Variants in FOXO4 observed in about 807,000 individuals in gnomAD.
FOXO4 encodes the protein forkhead box O4, also known as forkhead box protein O4.
Under a neutral mutation model 20.8 loss-of-function variants are expected in FOXO4, and 3 were observed. The observed-to-expected ratio is 0.14, with a 90% CI of 0.07 to 0.37. The LOEUF is 0.37. FOXO4 is among the 10% of genes least tolerant of loss of function. The probability of loss-of-function intolerance (pLI) is 1.00; values close to 1 mark genes in which losing one functional copy is unlikely to be tolerated. For synonymous variants in FOXO4, 158 were observed against 180.0 expected (o/e 0.88, Z 0.98); for missense variants, 309 against 431.9 (o/e 0.72, Z 2.52).
chrX:71,100,474 C>T (rs762987543), intron 1 of FOXO4, among the ~76,000 whole-genome samples: 41 of 106,605 alleles, frequency 3.8e-4, no homozygotes, highest in African/African-American at 1.3e-3. Flanking sequence ...TATCTTTTAT[C>T]TTTTTCTCTT....
Position 71,100,978 on chromosome X carries a change from G to C in FOXO4, c.748G>C (p.Ala250Pro), listed in dbSNP as rs2092229658. The change falls in exon 2 of 3, where the codon GCC becomes CCC. Residue 250 changes from alanine to proline, a missense_variant. Around this residue, in one of 3 missense-constraint regions of FOXO4, gnomAD observed 223 missense variants for 302.7 expected, o/e 0.74. Coordinates refer to ENST00000374259, the MANE Select transcript of FOXO4 (RefSeq NM_005938.4). ...GSPCSRNREE[A>P]DMWTTFRPRS... ...CCCTTGCTCTCGAAACCGTGAAGAAGCCGATATGTGGACCACCTTCCGTCC... is the reference window on the plus strand; with the variant it reads ...CCCTTGCTCTCGAAACCGTGAAGAACCCGATATGTGGACCACCTTCCGTCC... 1 of 1,209,832 alleles carries C rather than the reference G, an allele frequency of 8.3e-7. No homozygotes were observed. The highest frequency in any genetic ancestry group is 1.1e-6 in the Non-Finnish European group (1 of 894,968).
rs200607413 is a variant in FOXO4, at chrX:71,100,670, C to G, written c.454-14C>G. The G allele has an allele frequency of 6.5e-5, 76 of 1,167,171 alleles. No individual in the cohort carries two copies. In the African/African-American group the frequency reaches 1.0e-3, roughly 16 times the overall value. On this transcript the variant is annotated splice_polypyrimidine_tract_variant and intron_variant, in intron 1 of 2. Coordinates refer to ENST00000374259, the MANE Select transcript of FOXO4 (RefSeq NM_005938.4). ...GTACCTCACGCCCCTTTCCTGCCAT[C>G]TCTGCCCCTCCAGAACTCGATCCGC...
chrX:71,096,609 T>C lies in FOXO4; in HGVS notation c.81T>C (p.Arg27=). ...DLDPDFEPQS[R]PRSCTWPLPR... ...ATCCCGACTTCGAACCCCAGAGCCG[T>C]CCCCGCTCCTGCACCTGGCCCCTTC... Residue 27 remains arginine, a synonymous_variant, in exon 1 of 3, where the codon CGT becomes CGC. Transcript: ENST00000374259. 1 of 1,209,491 alleles carries C rather than the reference T, an allele frequency of 8.3e-7. No individual in the cohort carries two copies. The highest frequency in any genetic ancestry group is 1.1e-6 in the Non-Finnish European group (1 of 894,404).
intron 1 of FOXO4, among the ~76,000 whole-genome samples, chrX:71,100,181 C>G (rs1044968848): frequency 3.7e-5 from 4 of 107,972 alleles, no homozygotes; most frequent in East Asian, 2.9e-4. Context: ...CCGCTCCCCC[C>G]ACCCCCCGCA....
rs1405991935 is a variant in FOXO4 at position 71,100,798 on chromosome X, G to GC, written c.574dup (p.Arg192ProfsTer9). On this transcript the variant is annotated frameshift_variant, in exon 2 of 3. Transcript: ENST00000374259. LOFTEE classifies it high-confidence loss of function. ...CCCTGAGGGAGGCAAGAGCGGCAAAGCCCCCCGCCGCCGGGCCGCCTCCAT... is the reference window on the plus strand; with the variant it reads ...CCCTGAGGGAGGCAAGAGCGGCAAAGCCCCCCCGCCGCCGGGCCGCCTCCAT... 1 of 1,210,087 alleles carries GC rather than the reference G, an allele frequency of 8.3e-7. No homozygotes were observed.
chrX:71,103,204 G>A lies in FOXO4; in HGVS notation c.*1120G>A, dbSNP rs1036356273. Reference sequence around the variant, plus strand: ...CAGGGGTTATGTGGAAGTGTGTGTGGCAGCAGGCAGCGGGGAGGGGAGGAA... The same window carrying A: ...CAGGGGTTATGTGGAAGTGTGTGTGACAGCAGGCAGCGGGGAGGGGAGGAA... On this transcript the variant is annotated 3_prime_UTR_variant, in exon 3 of 3. Coordinates refer to ENST00000374259, the MANE Select transcript of FOXO4 (RefSeq NM_005938.4). The A allele has an allele frequency of 5.8e-5, 10 of 172,762 alleles. No individual in the cohort carries two copies. Among genetic ancestry groups the A allele is most frequent in the Admixed American group, 8.0e-5 (1 of 12,448 alleles). 14.2% of individuals were successfully genotyped at this position (172,762 alleles called of 1,213,427 possible). A position where few individuals can be genotyped will look rare whatever the true frequency, so the allele number is the denominator to read the frequency against.
chrX:71,103,139 C>G lies in FOXO4; in HGVS notation c.*1055C>G, dbSNP rs2092236134. ...TACAGAGACCTCCCTGTTCAAGGCC[C>G]CTGACAGCTGTCCCTGCCCTTCTTC... On this transcript the variant is annotated 3_prime_UTR_variant, in exon 3 of 3. Coordinates refer to ENST00000374259, the MANE Select transcript of FOXO4 (RefSeq NM_005938.4). The G allele has an allele frequency of 5.7e-6, 1 of 174,236 alleles. No individual in the cohort carries two copies. The highest frequency in any genetic ancestry group is 3.0e-5 in the African/African-American group (1 of 33,496). 14.4% of individuals were successfully genotyped at this position (174,236 alleles called of 1,213,427 possible). A position where few individuals can be genotyped will look rare whatever the true frequency, so the allele number is the denominator to read the frequency against.
At chrX:71,098,289 G>T (rs188880731) in intron 1 of FOXO4, among the ~76,000 whole-genome samples, 1 of 112,164 alleles carries the variant, frequency 8.9e-6, no homozygotes, top group Admixed American at 9.4e-5. Flanking sequence ...GTACCAAAAG[G>T]TTAGGAAATT....
chrX:71,102,201 G>T lies in FOXO4; in HGVS notation c.*117G>T. The T allele has an allele frequency of 4.1e-6, 3 of 732,994 alleles. No individual in the cohort carries two copies. Among genetic ancestry groups the T allele is most frequent in the Non-Finnish European group, 6.3e-6 (3 of 478,799 alleles). The allele number at this position is 732,994 out of a possible 1,213,427, so 60.4% of individuals were successfully genotyped here. The stretch of plus-strand genomic sequence containing the variant: ...GGACCCTGCTTTAGAGCTAGGGTGG[G>T]GTCTGGTCACACACAGGTGTTGAAG... On this transcript the variant is annotated 3_prime_UTR_variant, in exon 3 of 3. Transcript: ENST00000374259.
At chrX:71,098,214 A>G (rs1444694639) in intron 1 of FOXO4, among the ~76,000 whole-genome samples, 1 of 112,477 alleles carries the variant, frequency 8.9e-6, no homozygotes, top group Non-Finnish European at 1.9e-5. Context: ...TAGTTTTTAA[A>G]GTTTTTATTT....
In FOXO4 at chrX:71,101,392, C is replaced by G. The variant is rs753147451; in HGVS notation, c.1162C>G (p.Pro388Ala). Reference sequence around the variant, plus strand: ...TGACGTCCTCATGACCCAGGTAGATCCCATTCTGTCCCAGGCTCCGACTCT... The same window carrying G: ...TGACGTCCTCATGACCCAGGTAGATGCCATTCTGTCCCAGGCTCCGACTCT... ...PADVLMTQVD[P>A]ILSQAPTLLL... The change falls in exon 2 of 3, where the codon CCC becomes GCC. Residue 388 changes from proline to alanine, a missense_variant. By Grantham distance (27) the Pro-to-Ala change is conservative (BLOSUM62 -1). Transcript: ENST00000374259. The G allele has an allele frequency of 8.3e-7, 1 of 1,211,262 alleles. No homozygotes were observed. Among genetic ancestry groups the G allele is most frequent in the South Asian group, 1.8e-5 (1 of 56,947 alleles).
Position 71,102,268 on chromosome X carries a change from G to A in FOXO4, c.*184G>A, listed in dbSNP as rs1005361364. The A allele has an allele frequency of 4.6e-5, 21 of 461,397 alleles. No homozygotes were observed. Among genetic ancestry groups the A allele is most frequent in the Non-Finnish European group, 7.9e-5 (21 of 266,866 alleles). 38.0% of individuals were successfully genotyped at this position (461,397 alleles called of 1,213,427 possible). On this transcript the variant is annotated 3_prime_UTR_variant, in exon 3 of 3. Coordinates refer to ENST00000374259, the MANE Select transcript of FOXO4 (RefSeq NM_005938.4). Reference sequence around the variant, plus strand: ...GCTGCCCCATCTGGGGACGATATGGGGAGGGAGATGGGAGGGGAAAGGGGA... The same window carrying A: ...GCTGCCCCATCTGGGGACGATATGGAGAGGGAGATGGGAGGGGAAAGGGGA...
At chrX:71,097,817 T>C (rs774467064) in intron 1 of FOXO4, among the ~76,000 whole-genome samples, 7 of 111,564 alleles carry the variant, frequency 6.3e-5, no homozygotes, top group South Asian at 7.7e-4. Context: ...AATCACAAAA[T>C]TGGGGAGCCT....
At chrX:71,099,731 G>C (rs745438124) in intron 1 of FOXO4, among the ~76,000 whole-genome samples, 6 of 111,893 alleles carry the variant, frequency 5.4e-5, no homozygotes, top group Non-Finnish European at 9.4e-5. Context: ...TGGTCTTGAC[G>C]GAACTAGTAA....
At chrX:71,097,367 C>G (rs1400098581) in intron 1 of FOXO4, among the ~76,000 whole-genome samples, 1 of 110,386 alleles carries the variant, frequency 9.1e-6, no homozygotes, top group East Asian at 2.8e-4. Context: ...CCCTCCTCCC[C>G]CACCTCCCAC....
At chrX:71,099,472 T>A (rs1258994172) in intron 1 of FOXO4, 2 of 111,827 alleles carry the variant, frequency 1.8e-5, no homozygotes, top group Non-Finnish European at 3.8e-5. Context: ...ATTGATTATG[T>A]ACTGTGAGCT....
rs145710050 is a variant in FOXO4 at position 71,101,807 on chromosome X, C to T, written c.1510+67C>T. 8.7e-4 allele frequency: 818 copies of T among 935,996 alleles called. 2 individuals carry two copies. In the African/African-American group the frequency reaches 0.013, roughly 15 times the overall value. 77.1% of individuals were successfully genotyped at this position (935,996 alleles called of 1,213,427 possible). ...ACCACTCCTAGGTGCCCAGCTAGTCCCATGATCTGGGCGAAGGGGAGATTT... is the reference window on the plus strand; with the variant it reads ...ACCACTCCTAGGTGCCCAGCTAGTCTCATGATCTGGGCGAAGGGGAGATTT... On this transcript the variant is annotated intron_variant, in intron 2 of 2. Transcript: ENST00000374259.
chrX:71,103,067 A>G lies in FOXO4; in HGVS notation c.*983A>G. The G allele has an allele frequency of 5.7e-6, 1 of 175,182 alleles. No homozygotes were observed. Among genetic ancestry groups the G allele is most frequent in the Non-Finnish European group, 1.1e-5 (1 of 90,666 alleles). The allele number at this position is 175,182 out of a possible 1,213,427, so 14.4% of individuals were successfully genotyped here. A position where few individuals can be genotyped will look rare whatever the true frequency, so the allele number is the denominator to read the frequency against. On this transcript the variant is annotated 3_prime_UTR_variant, in exon 3 of 3. Coordinates refer to ENST00000374259, the MANE Select transcript of FOXO4 (RefSeq NM_005938.4). The stretch of plus-strand genomic sequence containing the variant: ...GCTTGGGGCCAGGGAAGGGACTGGG[A>G]GGGGAGAGAAGAGAAGGAGGGAAGG...
chrX:71,096,685 G>T lies in FOXO4; in HGVS notation c.157G>T (p.Asp53Tyr), dbSNP rs201579827. The change falls in exon 1 of 3, where the codon GAT becomes TAT. Residue 53 changes from aspartate (D) to tyrosine (Y), a missense_variant. Asp to Tyr is a radical substitution (Grantham distance 160). Around this residue, in one of 3 missense-constraint regions of FOXO4, gnomAD observed 81 missense variants for 94.2 expected, o/e 0.86. Transcript: ENST00000374259. ...GTCCGAGCCGCCCGAGGTGGAGCCA[G>T]ATCTGGGGGAAAAGGTACACACGGA... ...QPSEPPEVEP[D>Y]LGEKVHTEGR... The T allele has an allele frequency of 2.2e-5, 26 of 1,208,982 alleles. No individual in the cohort carries two copies. The highest frequency in any genetic ancestry group is 2.9e-5 in the Non-Finnish European group (26 of 894,553).
Sources: gnomAD v4.1 joint callset for allele counts (sites outside exome capture counted in the v4.1 genomes callset) on GRCh38, gnomAD v4.1.1 for gene constraint, gnomAD v4.1.1 regional missense constraint, MANE v1.5 for transcripts, NCBI Gene and HGNC (gene_info 2026-07-23, HGNC 2026-07-21) for gene names.